SHISA9: variants seen among roughly 807,000 people sequenced by gnomAD.
The protein encoded by SHISA9 is shisa family member 9.
A neutral mutation model predicts 38.0 loss-of-function variants in SHISA9; 13 were observed. The ratio of observed to expected loss-of-function variants is 0.34; its 90% CI spans 0.22 to 0.54. SHISA9 has a LOEUF of 0.54. SHISA9 is among the 20% of genes least tolerant of loss of function. SHISA9 has a pLI of 0.91. For missense variants in SHISA9, 538 were observed against 575.8 expected, an observed-to-expected ratio of 0.93 and a Z score of 0.67; for synonymous variants, 275 against 242.0, an observed-to-expected ratio of 1.14 and a Z score of -1.27.
intron 2 of SHISA9, among the ~76,000 whole-genome samples, chr16:13,082,065 G>A (rs1056461679): frequency 2.8e-4 from 43 of 152,236 alleles, no homozygotes; most frequent in Admixed American, 2.3e-3. Context: ...AACTGCTAAG[G>A]CAACAACGAC....
chr16:13,242,374 C>T (rs940814215), downstream of SHISA9, among the ~76,000 whole-genome samples: 3 of 152,152 alleles, frequency 2.0e-5, no homozygotes, highest in African/African-American at 7.2e-5. Context: ...TAACAAGCTC[C>T]CTGTCATTGC....
chr16:13,292,068 C>G, the SHISA9 span, among the ~76,000 whole-genome samples: 4 of 151,340 alleles, frequency 2.6e-5, no homozygotes, highest in Admixed American at 1.3e-4. Context: ...TGATCAATGT[C>G]TTCTGCTTGA....
At chr16:13,329,254 G>A in the SHISA9 span, among the ~76,000 whole-genome samples, 6 of 152,058 alleles carry the variant, frequency 3.9e-5, no homozygotes, top group Admixed American at 1.3e-4. Flanking sequence ...CCTTTCCGGC[G>A]CCCCTCTTTC....
chr16:12,973,357 A>G (rs921711504), intron 2 of SHISA9, among the ~76,000 whole-genome samples: 1 of 152,200 alleles, frequency 6.6e-6, no homozygotes, highest in African/African-American at 2.4e-5. Flanking sequence ...AAGTCAAGAA[A>G]CATGTGCCTG....
the SHISA9 span, among the ~76,000 whole-genome samples, chr16:13,254,220 T>C: frequency 1.3e-5 from 2 of 152,204 alleles, no homozygotes; most frequent in African/African-American, 2.4e-5. Context: ...GTGGGAACTA[T>C]TAACCCTAAT....
intron 2 of SHISA9, among the ~76,000 whole-genome samples, chr16:13,091,534 T>A (rs1193990459): frequency 6.6e-6 from 1 of 152,226 alleles, no homozygotes; most frequent in Non-Finnish European, 1.5e-5. Flanking sequence ...CTCTTCTCAC[T>A]TTATTTCATT....
chr16:13,241,172 C>G (rs954841533), downstream of SHISA9, among the ~76,000 whole-genome samples: 1 of 152,136 alleles, frequency 6.6e-6, no homozygotes, highest in Non-Finnish European at 1.5e-5. Context: ...AATGTTCAGA[C>G]ACTCCTAGGC....
Position 13,238,873 on chromosome 16 carries a change from T to C in SHISA9, c.*3464T>C. ...ATTATACTTTAAGTTTTAGGGTACA[T>C]GTGCACAATGTGCAGGTTAGTTACA... On this transcript the variant is annotated 3_prime_UTR_variant, in exon 5 of 5. Coordinates refer to ENST00000558583, the MANE Select transcript of SHISA9 (RefSeq NM_001145204.3). 6.7e-6 allele frequency: 1 copy of C among 149,180 alleles called. No homozygotes were observed. Among genetic ancestry groups the C allele is most frequent in the South Asian group, 2.1e-4 (1 of 4,682 alleles). 9.2% of individuals were successfully genotyped at this position (149,180 alleles called of 1,614,324 possible). A position where few individuals can be genotyped will look rare whatever the true frequency, so the allele number is the denominator to read the frequency against.
chr16:13,375,285 C>T, the SHISA9 span, among the ~76,000 whole-genome samples: 83 of 152,132 alleles, frequency 5.5e-4, 1 homozygote, highest in East Asian at 6.8e-3. Context: ...GGTTTTCTTC[C>T]AGAGTTTTTA....
chr16:13,136,502 G>A (rs930500624), intron 2 of SHISA9, among the ~76,000 whole-genome samples: 1 of 144,602 alleles, frequency 6.9e-6, no homozygotes, highest in Non-Finnish European at 1.5e-5. Context: ...AGGTTCAAGT[G>A]ATTCTCCTGC....
intron 2 of SHISA9, among the ~76,000 whole-genome samples, chr16:13,181,430 G>A (rs1207731157): frequency 1.3e-5 from 2 of 151,436 alleles, no homozygotes; most frequent in African/African-American, 2.4e-5. Context: ...TGTGAGGGGG[G>A]AAATCACATA....
At chr16:12,947,772 A>G (rs538494910) in intron 2 of SHISA9, among the ~76,000 whole-genome samples, 2 of 152,208 alleles carry the variant, frequency 1.3e-5, no homozygotes, top group African/African-American at 2.4e-5. Context: ...GTATCAGTGT[A>G]TAGCTGCGAA....
At chr16:13,045,738 C>G (rs1187942797) in intron 2 of SHISA9, among the ~76,000 whole-genome samples, 2 of 126,272 alleles carry the variant, frequency 1.6e-5, no homozygotes, top group Admixed American at 8.2e-5. Flanking sequence ...GACTGGGGAG[C>G]TTTTGTGCTG....
At chr16:13,165,299 A>C (rs911844453) in intron 2 of SHISA9, among the ~76,000 whole-genome samples, 4 of 152,072 alleles carry the variant, frequency 2.6e-5, no homozygotes, top group African/African-American at 9.7e-5. Context: ...TAAGTGTTTA[A>C]TTTTAATTGA....
chr16:13,367,413 C>T, the SHISA9 span, among the ~76,000 whole-genome samples: 9 of 150,690 alleles, frequency 6.0e-5, no homozygotes, highest in South Asian at 1.9e-3. Flanking sequence ...GACATGATCC[C>T]AATTAATCCT....
chr16:13,444,016 AC>A, the SHISA9 span, among the ~76,000 whole-genome samples: 1 of 152,184 alleles, frequency 6.6e-6, no homozygotes, highest in Non-Finnish European at 1.5e-5. Context: ...GTTTTACAAA[AC>A]CATCTTAGAA....
the SHISA9 span, among the ~76,000 whole-genome samples, chr16:13,273,983 G>A: frequency 6.6e-6 from 1 of 152,094 alleles, no homozygotes; most frequent in Admixed American, 6.6e-5. Context: ...CTCTTCCAAA[G>A]TAGTTGTTTT....
intron 2 of SHISA9, among the ~76,000 whole-genome samples, chr16:13,044,548 G>T (rs1189795565): frequency 6.6e-6 from 1 of 152,190 alleles, no homozygotes; most frequent in Non-Finnish European, 1.5e-5. Context: ...TATAAATTAG[G>T]TCTGTGGTTA....
chr16:13,026,048 A>G (rs1030669046), intron 2 of SHISA9, among the ~76,000 whole-genome samples: 1 of 152,114 alleles, frequency 6.6e-6, no homozygotes, highest in East Asian at 1.9e-4. Flanking sequence ...CAGATGATCC[A>G]CCAGCCTCAG....
Sources: allele counts gnomAD v4.1 joint callset (sites outside exome capture counted in the v4.1 genomes callset), GRCh38; gene constraint gnomAD v4.1.1; transcripts MANE v1.5; gene names NCBI Gene and HGNC (gene_info 2026-07-23, HGNC 2026-07-21).